Variants in EPHB1 observed in about 807,000 individuals in gnomAD.
The protein encoded by EPHB1 is EPH receptor B1.
Under a neutral mutation model 94.4 loss-of-function variants are expected in EPHB1, and 30 were observed. That is an observed-to-expected ratio of 0.32 (90% CI 0.24 to 0.43). EPHB1 has a LOEUF of 0.43. Among genes scored for constraint, EPHB1 ranks in the 20% least tolerant of loss-of-function variants. The pLI, the probability that EPHB1 is intolerant of heterozygous loss-of-function variation, is 1.00. For synonymous variants in EPHB1, 522 were observed against 489.1 expected, an observed-to-expected ratio of 1.07 and a Z score of -0.89; for missense variants, 1,055 against 1,308.3, an observed-to-expected ratio of 0.81 and a Z score of 2.99.
intron 4 of EPHB1, among the ~76,000 whole-genome samples, chr3:135,121,740 G>T (rs1423644593): frequency 6.6e-6 from 1 of 152,064 alleles, no homozygotes; most frequent in Non-Finnish European, 1.5e-5. Flanking sequence ...GGTCTCAGGG[G>T]CCCTAGGCAA....
At chr3:135,002,277 C>G (rs1437326529) in intron 3 of EPHB1, among the ~76,000 whole-genome samples, 1 of 152,166 alleles carries the variant, frequency 6.6e-6, no homozygotes, top group African/African-American at 2.4e-5. Context: ...ATTGAACCAG[C>G]CTTGCATCCC....
intron 1 of EPHB1, among the ~76,000 whole-genome samples, chr3:134,912,007 G>A (rs958972703): frequency 6.6e-6 from 1 of 152,240 alleles, no homozygotes; most frequent in African/African-American, 2.4e-5. Context: ...GAGGGCCCAG[G>A]AGGGCCTGGC....
intron 3 of EPHB1, among the ~76,000 whole-genome samples, chr3:135,024,085 A>C (rs1046069201): frequency 6.6e-6 from 1 of 152,162 alleles, no homozygotes; most frequent in South Asian, 2.1e-4. Context: ...CACCACCAAC[A>C]CTTGGTTCAG....
At chr3:135,105,848 G>A (rs1346212362) in intron 3 of EPHB1, among the ~76,000 whole-genome samples, 1 of 152,166 alleles carries the variant, frequency 6.6e-6, no homozygotes, top group Non-Finnish European at 1.5e-5. Context: ...TGTTGTTAAG[G>A]CATTAACCTT....
At chr3:135,128,715 G>C (rs1336346744) in intron 4 of EPHB1, among the ~76,000 whole-genome samples, 4 of 152,146 alleles carry the variant, frequency 2.6e-5, no homozygotes, top group Non-Finnish European at 5.9e-5. Context: ...TGGAATATAA[G>C]CTCCATAAGA....
intron 5 of EPHB1, among the ~76,000 whole-genome samples, chr3:135,133,844 T>G (rs1257750270): frequency 6.6e-6 from 1 of 152,190 alleles, no homozygotes; most frequent in African/African-American, 2.4e-5. Flanking sequence ...ATTTAACGAG[T>G]CCGTTCATGC....
intron 3 of EPHB1, among the ~76,000 whole-genome samples, chr3:134,992,965 C>T (rs1553719142): frequency 6.6e-6 from 1 of 151,818 alleles, no homozygotes; most frequent in Non-Finnish European, 1.5e-5. Flanking sequence ...GACTGATGGA[C>T]TCCCCACTGC....
At chr3:135,160,408 GCT>G (rs1941474154) in intron 6 of EPHB1, among the ~76,000 whole-genome samples, 1 of 152,060 alleles carries the variant, frequency 6.6e-6, no homozygotes, top group Non-Finnish European at 1.5e-5. Flanking sequence ...TCCTAGCTCA[GCT>G]CTGTTTCTTC....
At chr3:134,978,258 G>A (rs1219422368) in intron 3 of EPHB1, among the ~76,000 whole-genome samples, 4 of 152,090 alleles carry the variant, frequency 2.6e-5, no homozygotes, top group Non-Finnish European at 5.9e-5. Context: ...GCTCTCTCTT[G>A]TCTTCCGGGA....
intron 3 of EPHB1, among the ~76,000 whole-genome samples, chr3:134,999,481 A>G (rs1935105322): frequency 6.6e-6 from 1 of 152,228 alleles, no homozygotes; most frequent in Admixed American, 6.5e-5. Context: ...AGAACTGGTG[A>G]GGGCCCCAAG....
rs376415010 is a variant in EPHB1 at position 134,929,704 on chromosome 3, T to G, written c.123+3824T>G. Among the ~76,000 whole-genome samples, 52 of 152,288 alleles carry G rather than the reference T, an allele frequency of 3.4e-4. No homozygotes were observed. The East Asian group carries it at 9.1e-3, about 27-fold the overall frequency. On this transcript the variant is annotated intron_variant, in intron 2 of 15. Coordinates refer to ENST00000398015, the MANE Select transcript of EPHB1 (RefSeq NM_004441.5). ...ACAGATGTGATGGCATGGCTGGGAC[T>G]GGAGGAAGACCTGGCACCTTGACTT...
At chr3:135,173,069 C>G (rs918929737) in intron 9 of EPHB1, among the ~76,000 whole-genome samples, 33 of 146,642 alleles carry the variant, frequency 2.3e-4, no homozygotes, top group Middle Eastern at 3.6e-3. Context: ...GAGTCTCGCT[C>G]TGTCGCCCAG....
chr3:135,233,876 C>G (rs1305784774), intron 12 of EPHB1, among the ~76,000 whole-genome samples: 2 of 152,112 alleles, frequency 1.3e-5, no homozygotes, highest in Non-Finnish European at 2.9e-5. Flanking sequence ...TGAGCTGTAC[C>G]TTGACCCCTT....
At chr3:134,856,778 GTAAAC>G (rs2037130232) in intron 1 of EPHB1, among the ~76,000 whole-genome samples, 1 of 152,248 alleles carries the variant, frequency 6.6e-6, no homozygotes, top group East Asian at 1.9e-4. Flanking sequence ...ACTGGAATAA[GTAAAC>G]TAAATCGTTA....
chr3:134,796,140 C>T (rs945770650), intron 1 of EPHB1: 53 of 215,542 alleles, frequency 2.5e-4, no homozygotes, highest in African/African-American at 1.2e-3. Flanking sequence ...CGCGCCACCT[C>T]CTTTTCTCCA....
At chr3:134,984,603 CCTCACCT>C (rs1246922751) in intron 3 of EPHB1, among the ~76,000 whole-genome samples, 10 of 151,788 alleles carry the variant, frequency 6.6e-5, no homozygotes, top group African/African-American at 2.2e-4. Flanking sequence ...AGGGAAGGGC[CCTCACCT>C]GGGCCCCAGA....
intron 3 of EPHB1, among the ~76,000 whole-genome samples, chr3:135,014,859 A>G (rs1376023749): frequency 6.6e-6 from 1 of 152,120 alleles, no homozygotes; most frequent in African/African-American, 2.4e-5. Context: ...CCTCTCTTTT[A>G]TGAGTTGTTA....
At chr3:135,250,629 G>T (rs1053889207) in intron 15 of EPHB1, among the ~76,000 whole-genome samples, 1 of 152,048 alleles carries the variant, frequency 6.6e-6, no homozygotes, top group Non-Finnish European at 1.5e-5. Flanking sequence ...ATTAAGGTTG[G>T]TAAGGGTAAA....
chr3:135,255,407 G>C (rs912343102), intron 15 of EPHB1, among the ~76,000 whole-genome samples: 7 of 137,694 alleles, frequency 5.1e-5, no homozygotes, highest in African/African-American at 1.9e-4. Flanking sequence ...AGAGATTCTG[G>C]TATGTTGTGT....
Sources: allele counts gnomAD v4.1 joint callset (sites outside exome capture counted in the v4.1 genomes callset), GRCh38; gene constraint gnomAD v4.1.1; transcripts MANE v1.5; gene names NCBI Gene and HGNC (gene_info 2026-07-23, HGNC 2026-07-21).